Variants in MAP3K7 observed in about 807,000 individuals in gnomAD.
The protein encoded by MAP3K7 is TGF-beta activated kinase 1.
In MAP3K7, 21 loss-of-function variants were observed where a neutral mutation model predicts 84.8. The ratio of observed to expected loss-of-function variants is 0.25; its 90% CI spans 0.18 to 0.36. The LOEUF (loss-of-function observed/expected upper bound fraction) is 0.36. Among genes scored for constraint, MAP3K7 ranks in the 10% least tolerant of loss-of-function variants. MAP3K7 has a pLI of 1.00. For synonymous variants in MAP3K7, 241 were observed against 247.7 expected, an observed-to-expected ratio of 0.97 and a Z score of 0.25; for missense variants, 503 against 747.7, an observed-to-expected ratio of 0.67 and a Z score of 3.82.
chr6:90,529,787 G>A (rs1300921896), intron 13 of MAP3K7, among the ~76,000 whole-genome samples: 2 of 152,026 alleles, frequency 1.3e-5, no homozygotes, highest in East Asian at 3.9e-4. Flanking sequence ...CTCTTCAAAA[G>A]TATTATAACC....
intron 9 of MAP3K7, among the ~76,000 whole-genome samples, chr6:90,549,082 A>G (rs1417428180): frequency 6.6e-6 from 1 of 152,146 alleles, no homozygotes; most frequent in Non-Finnish European, 1.5e-5. Context: ...TGATGATGCA[A>G]GAGACAGGGG....
chr6:90,585,930 G>T (rs1777432221), intron 1 of MAP3K7, among the ~76,000 whole-genome samples: 1 of 152,218 alleles, frequency 6.6e-6, no homozygotes, highest in South Asian at 2.1e-4. Flanking sequence ...TTGCTGTGCG[G>T]TATCGGAGAA....
Position 90,519,286 on chromosome 6 carries a change from G to A in MAP3K7, c.1496C>T (p.Ala499Val). The change falls in exon 15 of 17, where the codon GCT becomes GTT. Residue 499 changes from alanine to valine, a missense_variant. Physicochemically the swap from Ala to Val is moderately conservative, Grantham distance 64 (BLOSUM62 0). Coordinates refer to ENST00000369329, the MANE Select transcript of MAP3K7 (RefSeq NM_145331.3). ...TAGTTGGTGATCCAGTGTAAGATAAGCCATTGGGATGGAGTTATCTGATCC... is the reference window on the plus strand; with the variant it reads ...TAGTTGGTGATCCAGTGTAAGATAAACCATTGGGATGGAGTTATCTGATCC... ...TNGSDNSIPM[A>V]YLTLDHQLQP... The A allele has an allele frequency of 6.3e-7, 1 of 1,588,706 alleles. No homozygotes were observed. Among genetic ancestry groups the A allele is most frequent in the Non-Finnish European group, 8.5e-7 (1 of 1,169,938 alleles).
chr6:90,544,645 A>G lies in MAP3K7; in HGVS notation c.1211-13T>C, dbSNP rs1035054836. Reference sequence around the variant, plus strand: ...GGCTTGGAATAGGCTGCAAAAACACATATATACAGTATACATGCAAACAAC... The same window carrying G: ...GGCTTGGAATAGGCTGCAAAAACACGTATATACAGTATACATGCAAACAAC... On this transcript the variant is annotated splice_polypyrimidine_tract_variant and intron_variant, in intron 11 of 16. Coordinates refer to ENST00000369329, the MANE Select transcript of MAP3K7 (RefSeq NM_145331.3). The G allele has an allele frequency of 1.9e-6, 3 of 1,608,234 alleles. No individual in the cohort carries two copies. Among genetic ancestry groups the G allele is most frequent in the African/African-American group, 2.7e-5 (2 of 74,792 alleles).
intron 2 of MAP3K7, 123 bp from the exon 3 acceptor site, chr6:90,568,746 C>A: frequency 1.4e-6 from 1 of 691,252 alleles, no homozygotes; most frequent in Non-Finnish European, 2.4e-6. Context: ...TCACTATTTA[C>A]TATGTAACAG....
chr6:90,527,482 G>A (rs1775358964), intron 13 of MAP3K7, among the ~76,000 whole-genome samples: 1 of 151,800 alleles, frequency 6.6e-6, no homozygotes, highest in Non-Finnish European at 1.5e-5. Flanking sequence ...GTGCAGGCTG[G>A]TCTTGAACTC....
At chr6:90,570,268 A>G (rs1776857278) in intron 2 of MAP3K7, among the ~76,000 whole-genome samples, 1 of 152,222 alleles carries the variant, frequency 6.6e-6, no homozygotes, top group South Asian at 2.1e-4. Context: ...TAACTGATAG[A>G]GCAGACCTAG....
At chr6:90,544,760 G>A in intron 11 of MAP3K7, 128 bp from the exon 12 acceptor site, 1 of 734,194 alleles carries the variant, frequency 1.4e-6, no homozygotes. Context: ...AGAATGGCAT[G>A]CAGAACTACC....
rs536467087 is a variant in MAP3K7 at position 90,548,163 on chromosome 6, T to C, written c.964A>G (p.Ile322Val). 9.9e-6 allele frequency: 16 copies of C among 1,609,448 alleles called. No homozygotes were observed. The highest frequency in any genetic ancestry group is 2.7e-5 in the African/African-American group (2 of 74,814). Residue 322 changes from isoleucine (I) to valine (V), a missense_variant, in exon 10 of 17, where the codon ATT becomes GTT. Physicochemically the swap from Ile to Val is conservative, Grantham distance 29. This residue lies in a region of MAP3K7 where 286 missense variants were observed against 313.6 expected (regional missense o/e 0.91). Coordinates refer to ENST00000369329, the MANE Select transcript of MAP3K7 (RefSeq NM_145331.3). ...SATSTGSFMDIASTNTSNKSD... is the reference protein window; with the variant it reads ...SATSTGSFMDVASTNTSNKSD... Reference sequence around the variant, plus strand: ...TTGTTACTCGTATTTGTAGAAGCAATGTCCATGAATGAGCCTAGGAAAAGC... The same window carrying C: ...TTGTTACTCGTATTTGTAGAAGCAACGTCCATGAATGAGCCTAGGAAAAGC...
chr6:90,581,696 T>C (rs1777277300), intron 1 of MAP3K7, among the ~76,000 whole-genome samples: 1 of 152,216 alleles, frequency 6.6e-6, no homozygotes, highest in Non-Finnish European at 1.5e-5. Context: ...ACCTCTTAAC[T>C]ATAGTAATTC....
At chr6:90,575,124 A>G (rs983187141) in intron 1 of MAP3K7, among the ~76,000 whole-genome samples, 1 of 152,230 alleles carries the variant, frequency 6.6e-6, no homozygotes, top group Non-Finnish European at 1.5e-5. Context: ...TGTATCAAAA[A>G]TGACTTCCCA....
rs981683608 is a variant in MAP3K7 at position 90,513,945 on chromosome 6, G to A, written c.*2556C>T. 19 of 151,960 alleles carry A rather than the reference G, an allele frequency of 1.3e-4. No homozygotes were observed. The highest frequency in any genetic ancestry group is 2.4e-5 in the African/African-American group (1 of 41,382). 9.4% of individuals were successfully genotyped at this position (151,960 alleles called of 1,614,324 possible). ...ATCTTTATATGTTGTGTTGCTATGC[G>A]GTAAATATTCTTAACTGATTATTAT... is the stretch of plus-strand genomic sequence containing the variant. On this transcript the variant is annotated 3_prime_UTR_variant, in exon 17 of 17. Coordinates refer to ENST00000369329, the MANE Select transcript of MAP3K7 (RefSeq NM_145331.3).
chr6:90,521,438 T>TG, intron 14 of MAP3K7, among the ~76,000 whole-genome samples: 1 of 152,134 alleles, frequency 6.6e-6, no homozygotes. Flanking sequence ...TTCAGTGGAA[T>TG]GCTGCCTTCT....
At chr6:90,553,171 A>G (rs1304996679) in intron 7 of MAP3K7, among the ~76,000 whole-genome samples, 2 of 152,086 alleles carry the variant, frequency 1.3e-5, no homozygotes, top group African/African-American at 2.4e-5. Flanking sequence ...GCTTCTCCCT[A>G]AGAGAGAGCC....
chr6:90,552,933 C>T (rs1158992099), intron 7 of MAP3K7, among the ~76,000 whole-genome samples: 2 of 152,178 alleles, frequency 1.3e-5, no homozygotes, highest in Non-Finnish European at 2.9e-5. Context: ...TTTAACCTCT[C>T]TAGGCCTCAG....
At chr6:90,542,399 C>T (rs924406820) in intron 12 of MAP3K7, 1 of 982,132 alleles carries the variant, frequency 1.0e-6, no homozygotes, top group African/African-American at 1.8e-5. Context: ...AAAGGTATTA[C>T]TGAATAATAT....
intron 3 of MAP3K7, among the ~76,000 whole-genome samples, chr6:90,565,020 G>A (rs1015301823): frequency 4.6e-5 from 7 of 152,158 alleles, no homozygotes; most frequent in African/African-American, 1.4e-4. Flanking sequence ...TGAGAAGAAA[G>A]ACACAACATA....
Position 90,586,926 on chromosome 6 carries a change from G to T in MAP3K7, c.-43C>A. On this transcript the variant is annotated 5_prime_UTR_variant, in exon 1 of 17. Coordinates refer to ENST00000369329, the MANE Select transcript of MAP3K7 (RefSeq NM_145331.3). ...GGTGGGGCCGGGAACGGTGCCACCC[G>T]GACAATCCGGGTGAGACCCGCGCCC... 4.5e-6 allele frequency: 7 copies of T among 1,565,642 alleles called. No individual in the cohort carries two copies. The highest frequency in any genetic ancestry group is 6.0e-6 in the Non-Finnish European group (7 of 1,162,490).
rs577308307 is a variant in MAP3K7, at chr6:90,580,354, AAAG to A, written c.120+6407_120+6409del. On this transcript the variant is annotated intron_variant, in intron 1 of 16. Transcript: ENST00000369329. The stretch of plus-strand genomic sequence containing the variant: ...TTAATATTCAAGTTGTAAACCACTG[AAAG>A]AAGGCCACTTTTTATTTACTACCAA... Among the ~76,000 whole-genome samples the A allele has an allele frequency of 6.6e-5, 10 of 152,354 alleles. No individual in the cohort carries two copies. The East Asian group carries it at 1.9e-3, about 29-fold the overall frequency.
Sources: gnomAD v4.1 joint callset for allele counts (sites outside exome capture counted in the v4.1 genomes callset) on GRCh38, gnomAD v4.1.1 for gene constraint, gnomAD v4.1.1 regional missense constraint, MANE v1.5 for transcripts, NCBI Gene and HGNC (gene_info 2026-07-23, HGNC 2026-07-21) for gene names.